The following MOXD1 variants were observed in gnomAD, a reference collection of about 807,000 sequenced individuals.
MOXD1 encodes monooxygenase DBH like 1.
A neutral mutation model predicts 66.6 loss-of-function variants in MOXD1; 62 were observed. The ratio of observed to expected loss-of-function variants is 0.93; its 90% CI spans 0.76 to 1.15. The LOEUF (loss-of-function observed/expected upper bound fraction) is 1.15. Ranked by LOEUF, MOXD1 falls within the 50% of genes most tolerant of loss-of-function variation. MOXD1 has a pLI of 0.00. For missense variants in MOXD1, 847 were observed against 754.6 expected (o/e 1.12, Z -1.44); for synonymous variants, 303 against 281.9 (o/e 1.07, Z -0.75).
At chr6:132,310,701 A>G (rs1289524629) in intron 10 of MOXD1, among the ~76,000 whole-genome samples, 1 of 152,188 alleles carries the variant, frequency 6.6e-6, no homozygotes, top group Non-Finnish European at 1.5e-5. Context: ...TTGAAGGGAC[A>G]TGGATGAAGA....
At position 132,320,617 on chromosome 6, in the gene MOXD1, A is replaced by G. The variant is rs1441138398; in HGVS notation, c.1365+12T>C. On this transcript the variant is annotated intron_variant, in intron 9 of 11. Transcript: ENST00000367963. ...CATAAATGAACTTTAATAATAATAA[A>G]AGTTTTCTTACCCAAGTCATCTCAG... 1.3e-6 allele frequency: 2 copies of G among 1,593,172 alleles called. No homozygotes were observed.
intron 1 of MOXD1, among the ~76,000 whole-genome samples, chr6:132,392,456 T>A (rs1776787421): frequency 6.6e-6 from 1 of 152,218 alleles, no homozygotes; most frequent in Non-Finnish European, 1.5e-5. Flanking sequence ...TCGGCTGCAT[T>A]ACTTGCCTCA....
In MOXD1 at chr6:132,296,894, A is replaced by C. The variant is rs555249340; in HGVS notation, c.*259T>G. 1 of 287,756 alleles carries C rather than the reference A, an allele frequency of 3.5e-6. No individual in the cohort carries two copies. Among genetic ancestry groups the C allele is most frequent in the South Asian group, 1.5e-4 (1 of 6,774 alleles). 17.8% of individuals were successfully genotyped at this position (287,756 alleles called of 1,614,324 possible). On this transcript the variant is annotated 3_prime_UTR_variant, in exon 12 of 12. Transcript: ENST00000367963. ...TTCTTTTATTCCCACATGACAGCCCAATTTTTTAAAATGGTTATCTTAAGT... is the reference window on the plus strand; with the variant it reads ...TTCTTTTATTCCCACATGACAGCCCCATTTTTTAAAATGGTTATCTTAAGT...
Position 132,338,317 on chromosome 6 carries a change from C to G in MOXD1, c.664-9723G>C, listed in dbSNP as rs888282776. ...CCAAGAACACTTCAGATCCCTGGAG[C>G]CTTTTCAGTGCACCTACCACCTGGT... is the stretch of plus-strand genomic sequence containing the variant. On this transcript the variant is annotated intron_variant, in intron 4 of 11. Coordinates refer to ENST00000367963, the MANE Select transcript of MOXD1 (RefSeq NM_015529.4). Among the ~76,000 whole-genome samples the G allele has an allele frequency of 3.3e-5, 5 of 152,172 alleles. No homozygotes were observed. The South Asian group carries it at 1.0e-3, about 31-fold the overall frequency.
intron 10 of MOXD1, among the ~76,000 whole-genome samples, chr6:132,299,644 T>C (rs1240786176): frequency 6.6e-6 from 1 of 152,126 alleles, no homozygotes; most frequent in Non-Finnish European, 1.5e-5. Flanking sequence ...AGGTGTTGTC[T>C]TTCATTAAAT....
chr6:132,343,723 A>G (rs959844190), intron 4 of MOXD1, among the ~76,000 whole-genome samples: 3 of 152,256 alleles, frequency 2.0e-5, no homozygotes, highest in African/African-American at 7.2e-5. Flanking sequence ...GTTTGGCAAC[A>G]TTTAAAAAGT....
chr6:132,349,086 C>A (rs1775729660), intron 4 of MOXD1, among the ~76,000 whole-genome samples: 2 of 151,810 alleles, frequency 1.3e-5, no homozygotes, highest in South Asian at 4.2e-4. Flanking sequence ...ATCACCTGAG[C>A]AGTATACACT....
intron 4 of MOXD1, among the ~76,000 whole-genome samples, chr6:132,349,466 C>T (rs866171649): frequency 0.02 from 235 of 11,906 alleles, 7 homozygotes; most frequent in African/African-American, 0.04. Flanking sequence ...TATATATATA[C>T]ATATATATAT....
intron 4 of MOXD1, among the ~76,000 whole-genome samples, chr6:132,334,668 C>G (rs995644642): frequency 6.6e-6 from 1 of 152,198 alleles, no homozygotes; most frequent in African/African-American, 2.4e-5. Flanking sequence ...TTTATGCACA[C>G]CTCCTAATCA....
At chr6:132,316,882 T>C (rs1381427329) in intron 9 of MOXD1, among the ~76,000 whole-genome samples, 1 of 151,962 alleles carries the variant, frequency 6.6e-6, no homozygotes, top group African/African-American at 2.4e-5. Context: ...AAAGGAATAA[T>C]GCCTGAAATA....
intron 4 of MOXD1, among the ~76,000 whole-genome samples, chr6:132,355,598 C>T (rs1290722450): frequency 6.6e-6 from 1 of 152,120 alleles, no homozygotes; most frequent in Admixed American, 6.6e-5. Context: ...GAACAAGATA[C>T]TATAAAGGAG....
chr6:132,394,900 G>A (rs1230604040), intron 1 of MOXD1, among the ~76,000 whole-genome samples: 1 of 152,072 alleles, frequency 6.6e-6, no homozygotes, highest in African/African-American at 2.4e-5. Flanking sequence ...CAAAACAATA[G>A]ATAAAAACTT....
At chr6:132,353,675 C>A (rs148512684) in intron 4 of MOXD1, among the ~76,000 whole-genome samples, 6 of 152,196 alleles carry the variant, frequency 3.9e-5, no homozygotes, top group African/African-American at 1.4e-4. Flanking sequence ...TTTCCCAGAT[C>A]TTCTTTGTGC....
intron 1 of MOXD1, among the ~76,000 whole-genome samples, chr6:132,379,903 C>T (rs1776475681): frequency 1.3e-5 from 2 of 152,138 alleles, no homozygotes; most frequent in Admixed American, 6.5e-5. Flanking sequence ...TCACTGCAGC[C>T]TCATCCTCCT....
intron 7 of MOXD1, 44 bp from the exon 8 acceptor site, chr6:132,322,914 C>A: frequency 1.3e-6 from 2 of 1,496,704 alleles, no homozygotes; most frequent in Non-Finnish European, 9.0e-7. Context: ...CACATTAATG[C>A]ATGTTCAGAC....
At chr6:132,374,538 G>T in intron 2 of MOXD1, 93 bp downstream of exon 2, 1 of 1,031,474 alleles carries the variant, frequency 9.7e-7, no homozygotes, top group Non-Finnish European at 1.3e-6. Context: ...TTAGAAAAAA[G>T]ACTATATGAC....
chr6:132,397,218 C>T (rs1438326514), intron 1 of MOXD1, among the ~76,000 whole-genome samples: 1 of 152,212 alleles, frequency 6.6e-6, no homozygotes, highest in East Asian at 1.9e-4. Flanking sequence ...TTCCAACCAC[C>T]CACTTTGGAG....
intron 1 of MOXD1, 63 bp downstream of exon 1, chr6:132,401,100 C>T: frequency 7.1e-7 from 1 of 1,404,880 alleles, no homozygotes. Flanking sequence ...GCACCTGCGC[C>T]CTCTCTGGGG....
At chr6:132,362,366 T>A (rs1776032815) in intron 4 of MOXD1, among the ~76,000 whole-genome samples, 1 of 152,092 alleles carries the variant, frequency 6.6e-6, no homozygotes, top group African/African-American at 2.4e-5. Context: ...TTATACAGAT[T>A]TATAGTCTTT....
Sources: allele counts gnomAD v4.1 joint callset (sites outside exome capture counted in the v4.1 genomes callset), GRCh38; gene constraint gnomAD v4.1.1; transcripts MANE v1.5; gene names NCBI Gene and HGNC (gene_info 2026-07-23, HGNC 2026-07-21).